The following CNIH3 variants were observed in gnomAD, a reference collection of about 807,000 sequenced individuals.
CNIH3 encodes cornichon family AMPA receptor auxiliary protein 3.
Under a neutral mutation model 24.1 loss-of-function variants are expected in CNIH3, and 14 were observed. The ratio of observed to expected loss-of-function variants is 0.58; its 90% CI spans 0.38 to 0.91. CNIH3 has a LOEUF of 0.91. Among genes scored for constraint, CNIH3 ranks in the 40% least tolerant of loss-of-function variants. CNIH3 has a pLI of 0.00. For missense variants in CNIH3, 178 were observed against 196.8 expected (o/e 0.90, Z 0.57); for synonymous variants, 68 against 73.8 (o/e 0.92, Z 0.40).
chr1:224,722,114 C>T (rs1318014305), intron 3 of CNIH3, among the ~76,000 whole-genome samples: 1 of 151,960 alleles, frequency 6.6e-6, no homozygotes, highest in African/African-American at 2.4e-5. Context: ...AGACCCACAG[C>T]CTCTGGGAGG....
chr1:224,682,410 T>G lies in CNIH3; in HGVS notation c.150+1384T>G, dbSNP rs144614194. 5.6e-3 allele frequency among the ~76,000 whole-genome samples: 849 copies of G among 152,330 alleles called. 13 individuals carry two copies. The highest frequency in any genetic ancestry group is 0.019 in the African/African-American group (799 of 41,574). ...TGCCATCTACCCTGTGTTGCCTCTTTAAGAGACCTGACTTTATAATATCTG... is the reference window on the plus strand; with the variant it reads ...TGCCATCTACCCTGTGTTGCCTCTTGAAGAGACCTGACTTTATAATATCTG... On this transcript the variant is annotated intron_variant, in intron 2 of 5. Transcript: ENST00000272133.
chr1:224,652,404 A>G (rs1684901150), intron 1 of CNIH3, among the ~76,000 whole-genome samples: 1 of 152,114 alleles, frequency 6.6e-6, no homozygotes, highest in African/African-American at 2.4e-5. Flanking sequence ...CAGGACTCAG[A>G]CCTAGCGGTA....
At chr1:224,739,177 T>G (rs760808477) in intron 5 of CNIH3, 152 bp from the exon 6 acceptor site, 27 of 1,380,966 alleles carry the variant, frequency 2.0e-5, no homozygotes, top group Non-Finnish European at 2.5e-5. Flanking sequence ...AGTAGTGGAG[T>G]TGGCGAGATG....
chr1:224,437,998 C>T (rs568550080), intron 1 of CNIH3, among the ~76,000 whole-genome samples: 2 of 151,788 alleles, frequency 1.3e-5, no homozygotes, highest in South Asian at 2.1e-4. Flanking sequence ...CTGCAAGCTC[C>T]GCCTCCTGGG....
chr1:224,545,974 C>T (rs74146382), intron 2 of CNIH3, among the ~76,000 whole-genome samples: 2,579 of 152,136 alleles, frequency 0.017, 78 homozygotes, highest in African/African-American at 0.058. Context: ...GGTGGCTTCC[C>T]AGGGTTTCTC....
At chr1:224,734,757 G>T (rs745324942) in intron 5 of CNIH3, 51 bp downstream of exon 5, 12 of 1,604,210 alleles carry the variant, frequency 7.5e-6, no homozygotes, top group Non-Finnish European at 9.4e-6. Flanking sequence ...AAAAGGAAGA[G>T]AATTTCAGGC....
intron 1 of CNIH3, among the ~76,000 whole-genome samples, chr1:224,647,389 A>G (rs371126786): frequency 3.3e-4 from 50 of 152,224 alleles, no homozygotes; most frequent in African/African-American, 1.2e-3. Context: ...GTCTTGTGGA[A>G]AACCCTGAAG....
chr1:224,633,168 C>CT (rs1053127978), intron 1 of CNIH3, among the ~76,000 whole-genome samples: 4 of 151,046 alleles, frequency 2.6e-5, no homozygotes, highest in Admixed American at 6.6e-5. Context: ...ATTTTTTTTT[C>CT]TTTTTTTTGA....
chr1:224,720,113 C>T (rs935206514), intron 3 of CNIH3, among the ~76,000 whole-genome samples: 8 of 152,134 alleles, frequency 5.3e-5, no homozygotes, highest in Admixed American at 1.3e-4. Flanking sequence ...GATGACAGCT[C>T]GTGTTTCTTT....
intron 1 of CNIH3, among the ~76,000 whole-genome samples, chr1:224,493,235 AG>A (rs551303826): frequency 9.8e-4 from 149 of 152,346 alleles, no homozygotes; most frequent in African/African-American, 3.5e-3. Context: ...GTGGGTAAGT[AG>A]GGTAGGTGAC....
Position 224,698,324 on chromosome 1 carries a change from A to G in CNIH3, c.198+13481A>G, listed in dbSNP as rs58316565. On this transcript the variant is annotated intron_variant, in intron 3 of 5. Coordinates refer to ENST00000272133, the MANE Select transcript of CNIH3 (RefSeq NM_152495.2). ...AAGCAATGATGAGATTCTGGAGGAC[A>G]ATGATCACCGATTATAGCACAAGGA... Among the ~76,000 whole-genome samples the G allele has an allele frequency of 4.8e-3, 732 of 152,342 alleles. 7 individuals are homozygous for G. The highest frequency in any genetic ancestry group is 0.03 in the East Asian group (154 of 5,188).
chr1:224,506,008 C>T (rs977452925), intron 1 of CNIH3, among the ~76,000 whole-genome samples: 3 of 152,142 alleles, frequency 2.0e-5, no homozygotes, highest in Non-Finnish European at 4.4e-5. Context: ...GAAGTATACT[C>T]CCTCCCCTGC....
chr1:224,583,947 G>A (rs953591983), intron 5 of CNIH3, among the ~76,000 whole-genome samples: 1 of 152,186 alleles, frequency 6.6e-6, no homozygotes, highest in Non-Finnish European at 1.5e-5. Context: ...TGTATGTGAT[G>A]TTCTGGACCA....
In CNIH3 at chr1:224,467,792, GT is replaced by G. The variant is rs201478820; in HGVS notation, n.203+32942del. On this transcript the variant is annotated intron_variant and non_coding_transcript_variant, in intron 1 of 5. Coordinates refer to the CNIH3 transcript ENST00000471578. ...CCGTAGGTTTTGAAGATTTCCTCCT[GT>G]TTTTTTTTTTTCCAAAAGTTTCATA... 9.8e-3 allele frequency among the ~76,000 whole-genome samples: 1,382 copies of G among 141,286 alleles called. 15 individuals are homozygous for G. The highest frequency in any genetic ancestry group is 0.028 in the African/African-American group (1,097 of 38,538). 92.7% of individuals were successfully genotyped at this position (141,286 alleles called of 152,430 possible).
chr1:224,561,820 A>T (rs1680385464), intron 3 of CNIH3, among the ~76,000 whole-genome samples: 1 of 152,198 alleles, frequency 6.6e-6, no homozygotes, highest in Non-Finnish European at 1.5e-5. Flanking sequence ...GGAGGACCTG[A>T]GCTCACATAG....
At chr1:224,438,758 G>C (rs1674772910) in intron 1 of CNIH3, among the ~76,000 whole-genome samples, 1 of 152,128 alleles carries the variant, frequency 6.6e-6, no homozygotes, top group Non-Finnish European at 1.5e-5. Flanking sequence ...ATTGACTCTA[G>C]GCAAGTCATT....
chr1:224,551,470 A>G (rs1171427857), intron 3 of CNIH3, among the ~76,000 whole-genome samples: 1 of 152,202 alleles, frequency 6.6e-6, no homozygotes, highest in African/African-American at 2.4e-5. Flanking sequence ...ATCACAGTGG[A>G]CAAACATTGT....
At chr1:224,682,578 A>G (rs923948409) in intron 2 of CNIH3, among the ~76,000 whole-genome samples, 1 of 152,204 alleles carries the variant, frequency 6.6e-6, no homozygotes, top group Admixed American at 6.5e-5. Context: ...ATTAAAATCC[A>G]TTTTGTTTCC....
chr1:224,676,039 G>A (rs868603829), intron 1 of CNIH3, among the ~76,000 whole-genome samples: 3 of 152,202 alleles, frequency 2.0e-5, no homozygotes, highest in African/African-American at 7.2e-5. Context: ...AAGGCCTTGT[G>A]TAGATGTTTA....
Sources: gnomAD v4.1 joint callset for allele counts (sites outside exome capture counted in the v4.1 genomes callset) on GRCh38, gnomAD v4.1.1 for gene constraint, MANE v1.5 for transcripts, NCBI Gene and HGNC (gene_info 2026-07-23, HGNC 2026-07-21) for gene names.